DZANK1: variants seen among roughly 807,000 people sequenced by gnomAD.
The protein encoded by DZANK1 is double zinc ribbon and ankyrin repeat domains 1, also known as double zinc ribbon and ankyrin repeat-containing protein 1.
A neutral mutation model predicts 94.5 loss-of-function variants in DZANK1; 91 were observed. The observed-to-expected ratio is 0.96, with a 90% CI of 0.81 to 1.15. The LOEUF is 1.15. Ranked by LOEUF, DZANK1 falls within the 50% of genes most tolerant of loss-of-function variation. The probability of loss-of-function intolerance (pLI) is 0.00; values close to 1 mark genes in which losing one functional copy is unlikely to be tolerated. For missense variants in DZANK1, 903 were observed against 916.4 expected, an observed-to-expected ratio of 0.99 and a Z score of 0.19; for synonymous variants, 312 against 325.3, an observed-to-expected ratio of 0.96 and a Z score of 0.44.
intron 9 of DZANK1, among the ~76,000 whole-genome samples, chr20:18,427,426 G>A (rs2058092708): frequency 6.6e-6 from 1 of 151,884 alleles, no homozygotes; most frequent in African/African-American, 2.4e-5. Context: ...GGCCTCAAGT[G>A]ATCCTCCCAC....
intron 10 of DZANK1, among the ~76,000 whole-genome samples, chr20:18,422,799 CTT>C (rs55683540): frequency 8.0e-5 from 10 of 124,848 alleles, no homozygotes; most frequent in African/African-American, 1.2e-4. Flanking sequence ...TGGCTTTGTT[CTT>C]TTTTTTTTTT....
In DZANK1 at chr20:18,412,613, C is replaced by T. The variant is rs758150952; in HGVS notation, c.1432+33G>A. ...CTTTCACAGAAAGAGTGAATTCCCT[C>T]CCGACCAGAAGAAAGGGCATCCTCC... is the stretch of plus-strand genomic sequence containing the variant. On this transcript the variant is annotated intron_variant, in intron 13 of 20. Coordinates refer to ENST00000262547, the Ensembl canonical transcript of DZANK1. The T allele has an allele frequency of 3.1e-6, 5 of 1,599,194 alleles. No homozygotes were observed. The Admixed American group carries it at 6.7e-5, about 21-fold the overall frequency.
At chr20:18,424,080 A>G (rs1839917285) in intron 10 of DZANK1, among the ~76,000 whole-genome samples, 1 of 152,224 alleles carries the variant, frequency 6.6e-6, no homozygotes, top group African/African-American at 2.4e-5. Context: ...CACATATTAC[A>G]AATATCAGGC....
chr20:18,437,285 AAGAAAG>A (rs1300281370), intron 8 of DZANK1, among the ~76,000 whole-genome samples: 2 of 152,190 alleles, frequency 1.3e-5, no homozygotes, highest in African/African-American at 4.8e-5. Flanking sequence ...TGTTAAGAAA[AAGAAAG>A]AAAGGGGCCG....
chr20:18,386,020 C>A (rs7272028), intron 19 of DZANK1, among the ~76,000 whole-genome samples: 3,800 of 152,200 alleles, frequency 0.025, 74 homozygotes, highest in African/African-American at 0.049. Flanking sequence ...GGGCAGGAGT[C>A]ATGACTGGAA....
rs912279368 is a variant in DZANK1 at position 18,396,386 on chromosome 20, T to C, written c.1611+86A>G. ...TAATGTGTGAAACTTTTCCTTTCTA[T>C]GGATTACACAGAAGCATTTCTATAA... On this transcript the variant is annotated intron_variant, in intron 15 of 20. Transcript: ENST00000262547. 1.3e-4 allele frequency: 145 copies of C among 1,131,372 alleles called. 1 individual carries two copies. The Admixed American group carries it at 1.6e-3, about 13-fold the overall frequency. The allele number at this position is 1,131,372 out of a possible 1,614,324, so 70.1% of individuals were successfully genotyped here.
intron 12 of DZANK1, 93 bp downstream of exon 12, chr20:18,414,255 C>G: frequency 6.9e-7 from 1 of 1,451,916 alleles, no homozygotes; most frequent in South Asian, 1.5e-5. Flanking sequence ...AGTTTTGGGT[C>G]TCTTCCCCGG....
chr20:18,466,200 T>C (rs2059645244), intron 1 of DZANK1, among the ~76,000 whole-genome samples: 1 of 152,264 alleles, frequency 6.6e-6, no homozygotes, highest in Non-Finnish European at 1.5e-5. Flanking sequence ...TCCATAGATT[T>C]TGCCCAATTA....
At chr20:18,402,359 C>T (rs372702771) in intron 13 of DZANK1, among the ~76,000 whole-genome samples, 3 of 152,070 alleles carry the variant, frequency 2.0e-5, no homozygotes, top group African/African-American at 7.2e-5. Context: ...AGGAGTTGGA[C>T]GAGTGGGATC....
intron 10 of DZANK1, among the ~76,000 whole-genome samples, chr20:18,424,521 G>A (rs532040828): frequency 8.6e-4 from 130 of 151,818 alleles, no homozygotes; most frequent in Non-Finnish European, 1.7e-3. Flanking sequence ...GATATCAAGT[G>A]TTGGAGATGA....
rs971275722 is a variant in DZANK1 at position 18,441,490 on chromosome 20, G to A, written c.747+1857C>T. 6.6e-6 allele frequency among the ~76,000 whole-genome samples: 1 copy of A among 152,236 alleles called. No individual in the cohort carries two copies. The highest frequency in any genetic ancestry group is 2.4e-5 in the African/African-American group (1 of 41,462). ...CAGGGATTAACTACTAATGGGTAAA[G>A]CAGATTCTACATATACAGAAATTCC... On this transcript the variant is annotated intron_variant, in intron 8 of 20. Transcript: ENST00000262547. The surrounding 1 kb of genome is among the most constrained non-coding windows in gnomAD (Gnocchi z 4.1).
chr20:18,420,768 TA>T (rs1446573751), intron 10 of DZANK1: 1 of 182,652 alleles, frequency 5.5e-6, no homozygotes, highest in African/African-American at 2.3e-5. Flanking sequence ...CTAACAATTT[TA>T]GGTTGGTTTT....
chr20:18,401,515 C>T (rs954782530), intron 13 of DZANK1, among the ~76,000 whole-genome samples: 6 of 152,204 alleles, frequency 3.9e-5, no homozygotes, highest in South Asian at 2.1e-4. Flanking sequence ...TCTGCAGGGA[C>T]GGTTCATCTC....
chr20:18,385,156 C>T (rs2048407981), intron 19 of DZANK1, 66 bp from the exon 20 acceptor site: 1 of 1,490,736 alleles, frequency 6.7e-7, no homozygotes. Context: ...GGAGAGGATG[C>T]ATGTGACCCA....
chr20:18,443,266 G>A, intron 8 of DZANK1, 81 bp downstream of exon 8: 1 of 910,946 alleles, frequency 1.1e-6, no homozygotes, highest in Non-Finnish European at 1.8e-6. Context: ...TGCAGTTCAT[G>A]TGTACCAAGC....
chr20:18,391,014 G>A (rs2055941735), intron 17 of DZANK1, among the ~76,000 whole-genome samples: 1 of 152,098 alleles, frequency 6.6e-6, no homozygotes, highest in Non-Finnish European at 1.5e-5. Flanking sequence ...TAGCCAACAT[G>A]GTGAAACCGT....
chr20:18,412,661 T>C (rs1176982678), exon 13 of DZANK1: 1 of 1,612,756 alleles, frequency 6.2e-7, no homozygotes. Flanking sequence ...CCTGGGCTGA[T>C]GGCTGTCAGG....
intron 6 of DZANK1, among the ~76,000 whole-genome samples, chr20:18,451,371 T>G (rs929282928): frequency 6.6e-6 from 1 of 152,200 alleles, no homozygotes; most frequent in Middle Eastern, 3.2e-3. Flanking sequence ...CTCCTTGAAA[T>G]TCTTTCATCT....
At chr20:18,396,515 C>A (rs776506597) in exon 15 of DZANK1, 2 of 1,613,452 alleles carry the variant, frequency 1.2e-6, no homozygotes, top group Non-Finnish European at 1.7e-6. Flanking sequence ...GCTAACTTCA[C>A]AACCATCTTC....
Sources: gnomAD v4.1 joint callset for allele counts (sites outside exome capture counted in the v4.1 genomes callset) on GRCh38, gnomAD v4.1.1 for gene constraint, Gnocchi (gnomAD v3.1) non-coding constraint, MANE v1.5 for transcripts, NCBI Gene and HGNC (gene_info 2026-07-23, HGNC 2026-07-21) for gene names.